PPAN: variants seen among roughly 807,000 people sequenced by gnomAD.
PPAN encodes the protein suppressor of SWI4 1 homolog.
Under a neutral mutation model 48.5 loss-of-function variants are expected in PPAN, and 39 were observed. The observed-to-expected ratio is 0.80, with a 90% CI of 0.62 to 1.05. The LOEUF (loss-of-function observed/expected upper bound fraction) is 1.05, where lower values mean the gene tolerates loss of function less well. Among genes scored for constraint, PPAN ranks in the 50% least tolerant of loss-of-function variants. The pLI is 0.00. For synonymous variants in PPAN, 315 were observed against 268.6 expected (o/e 1.17, Z -1.69); for missense variants, 736 against 661.7 (o/e 1.11, Z -1.23).
Position 10,106,387 on chromosome 19 carries a change from A to C in PPAN, c.-8A>C, listed in dbSNP as rs1465576033. 1.9e-6 allele frequency: 3 copies of C among 1,549,676 alleles called. No homozygotes were observed. The highest frequency in any genetic ancestry group is 2.4e-5 in the East Asian group (1 of 40,844). On this transcript the variant is annotated 5_prime_UTR_variant, in exon 1 of 12. Coordinates refer to ENST00000253107, the MANE Select transcript of PPAN (RefSeq NM_020230.7). ...GGACGCAGGAGGCCTCGTGGAGGAC[A>C]CAGCAGCATGGGACAGTCAGGGAGG... is the stretch of plus-strand genomic sequence containing the variant.
chr19:10,109,733 CGAG>C lies in PPAN; in HGVS notation c.590+28_590+30del, dbSNP rs746286345. 1.2e-5 allele frequency: 20 copies of C among 1,609,266 alleles called. No individual in the cohort carries two copies. The South Asian group carries it at 1.3e-4, about 11-fold the overall frequency. ...GTGAGTGTCCCAGCAGGATGGGAGA[CGAG>C]GGGGTGCCGGGTGGGGGCCTCCACA... On this transcript the variant is annotated intron_variant, in intron 6 of 11. Coordinates refer to ENST00000253107, the MANE Select transcript of PPAN (RefSeq NM_020230.7).
intron 5 of PPAN, among the ~76,000 whole-genome samples, chr19:10,108,355 G>A (rs950869189): frequency 5.9e-5 from 9 of 152,168 alleles, no homozygotes; most frequent in African/African-American, 2.2e-4. Flanking sequence ...ACCTTTTCCA[G>A]CCGGTGGAAA....
chr19:10,111,116 A>T lies in PPAN; in HGVS notation c.1373A>T (p.Asp458Val). 1 of 1,611,022 alleles carries T rather than the reference A, an allele frequency of 6.2e-7. No individual in the cohort carries two copies. The highest frequency in any genetic ancestry group is 2.2e-5 in the East Asian group (1 of 44,780). Reference sequence around the variant, plus strand: ...CGGGGGCCCAGAGGGGCTTCCCGGGATGGTGGGCGAGGCCGGGGCCGGGGC... The same window carrying T: ...CGGGGGCCCAGAGGGGCTTCCCGGGTTGGTGGGCGAGGCCGGGGCCGGGGC... ...ARRGPRGASR[D>V]GGRGRGRGRP... Residue 458 changes from aspartate (D) to valine (V), a missense_variant, in exon 12 of 12, where the codon GAT becomes GTT. Asp to Val is a radical substitution (Grantham distance 152, BLOSUM62 -3). Coordinates refer to ENST00000253107, the MANE Select transcript of PPAN (RefSeq NM_020230.7).
chr19:10,109,720 G>C lies in PPAN; in HGVS notation c.590+13G>C, dbSNP rs2088975706. ...ACTTCCGCCACTAGTGAGTGTCCCAGCAGGATGGGAGACGAGGGGGTGCCG... is the reference window on the plus strand; with the variant it reads ...ACTTCCGCCACTAGTGAGTGTCCCACCAGGATGGGAGACGAGGGGGTGCCG... On this transcript the variant is annotated intron_variant, in intron 6 of 11. Coordinates refer to ENST00000253107, the MANE Select transcript of PPAN (RefSeq NM_020230.7). The C allele has an allele frequency of 6.2e-7, 1 of 1,612,486 alleles. No individual in the cohort carries two copies. The highest frequency in any genetic ancestry group is 1.7e-5 in the Admixed American group (1 of 59,778).
Position 10,108,154 on chromosome 19 carries a change from G to T in PPAN, c.513+20G>T. 1 of 1,597,464 alleles carries T rather than the reference G, an allele frequency of 6.3e-7. No homozygotes were observed. Among genetic ancestry groups the T allele is most frequent in the Non-Finnish European group, 8.5e-7 (1 of 1,171,200 alleles). On this transcript the variant is annotated intron_variant, in intron 5 of 11. Transcript: ENST00000253107. ...CACAAGGTGGGTCTGGCCTGGCGAG[G>T]TGGCAGGTATGGGGGGGTGCAGCGG...
rs965660128 is a variant in PPAN, at chr19:10,110,581, T to C, written c.998T>C (p.Val333Ala). ...AGGCAGGCCCAGCAGGCCCAGAATGTGCAGCGCAAGCAGGAGCAGCGGGAG... is the reference window on the plus strand; with the variant it reads ...AGGCAGGCCCAGCAGGCCCAGAATGCGCAGCGCAAGCAGGAGCAGCGGGAG... ...AQRQAQQAQN[V>A]QRKQEQREAH... is the part of the protein sequence containing the mutation. The change falls in exon 10 of 12, where the codon GTG (valine) becomes GCG (alanine). Residue 333 changes from valine (V) to alanine (A), a missense_variant. By Grantham distance (64) the Val-to-Ala change is moderately conservative (BLOSUM62 0). Transcript: ENST00000253107. The surrounding 1 kb of genome is among the most constrained non-coding windows in gnomAD (Gnocchi z 5.9). The C allele has an allele frequency of 2.5e-6, 4 of 1,603,542 alleles. No homozygotes were observed. Among genetic ancestry groups the C allele is most frequent in the Non-Finnish European group, 3.4e-6 (4 of 1,175,996 alleles).
intron 5 of PPAN, among the ~76,000 whole-genome samples, chr19:10,109,102 C>T (rs995920016): frequency 2.0e-5 from 3 of 151,908 alleles, no homozygotes; most frequent in African/African-American, 7.3e-5. Flanking sequence ...GCTGGGACTA[C>T]AGGTGCCCGC....
chr19:10,107,242 C>T (rs1006348870), intron 2 of PPAN, among the ~76,000 whole-genome samples: 3 of 152,142 alleles, frequency 2.0e-5, no homozygotes, highest in African/African-American at 7.2e-5. Context: ...CTGACTTCTC[C>T]CCAGTATCTG....
upstream of PPAN, chr19:10,106,307 C>A: frequency 6.5e-7 from 1 of 1,540,662 alleles, no homozygotes; most frequent in African/African-American, 1.4e-5. Flanking sequence ...GATGTCGTCC[C>A]ACGCCGTGCC....
intron 5 of PPAN, among the ~76,000 whole-genome samples, chr19:10,109,085 C>G (rs2088947855): frequency 1.3e-5 from 2 of 151,830 alleles, no homozygotes; most frequent in Admixed American, 1.3e-4. Flanking sequence ...CCTCAGCCTC[C>G]CGAGTAGCTG....
upstream of PPAN, chr19:10,106,234 G>A: frequency 7.6e-7 from 1 of 1,316,584 alleles, no homozygotes; most frequent in Non-Finnish European, 1.0e-6. Flanking sequence ...TGTCTCCATA[G>A]CAACCGCTCC....
chr19:10,106,723 T>C (rs1158401259), intron 2 of PPAN, 52 bp downstream of exon 2: 2 of 1,486,344 alleles, frequency 1.3e-6, no homozygotes, highest in South Asian at 2.6e-5. Flanking sequence ...CTAGTCTTCG[T>C]AGCTGCAGTA....
Position 10,111,893 on chromosome 19 carries a change from C to T in PPAN, c.*728C>T, listed in dbSNP as rs371898048. ...TTGGGAGGTCGAGGGGGGTGGAACA[C>T]GAGGTCAGGGGTTCGAGACCACCCT... is the stretch of plus-strand genomic sequence containing the variant. On this transcript the variant is annotated 3_prime_UTR_variant, in exon 12 of 12. Transcript: ENST00000253107. Among the ~76,000 whole-genome samples the T allele has an allele frequency of 5.1e-4, 77 of 152,058 alleles. 1 individual carries two copies. In the East Asian group the frequency reaches 0.011, roughly 23 times the overall value.
In PPAN at chr19:10,107,811, T is replaced by TG. The variant is rs1165395435; in HGVS notation, c.300dup (p.Arg101AlafsTer20). On this transcript the variant is annotated frameshift_variant, in exon 4 of 12. Transcript: ENST00000253107. LOFTEE classifies it high-confidence loss of function. ...TCTTTTCTTCTCCTGCAGAAGCTGATGCGCCTCCCAGGAGGCCCCACCTTG... is the reference window on the plus strand; with the variant it reads ...TCTTTTCTTCTCCTGCAGAAGCTGATGGCGCCTCCCAGGAGGCCCCACCTTG... 6.2e-7 allele frequency: 1 copy of TG among 1,613,782 alleles called. No homozygotes were observed. The highest frequency in any genetic ancestry group is 2.2e-5 in the East Asian group (1 of 44,862).
chr19:10,110,493 A>AGCTCCT lies in PPAN; in HGVS notation c.910_911insGCTCCT (p.Thr304delinsSerSerSer), dbSNP rs1186899878. Reference sequence around the variant, plus strand: ...CGCGTCTCTTGGCTCAGTGAGCAAGACGGAGGAGGAGCTGCAGGCCATCCT... The same window carrying AGCTCCT: ...CGCGTCTCTTGGCTCAGTGAGCAAGAGCTCCTCGGAGGAGGAGCTGCAGGCCATCCT... On this transcript the variant is annotated protein_altering_variant, in exon 10 of 12. Coordinates refer to ENST00000253107, the MANE Select transcript of PPAN (RefSeq NM_020230.7). The surrounding 1 kb of genome is among the most constrained non-coding windows in gnomAD (Gnocchi z 5.9). 2.5e-6 allele frequency: 4 copies of AGCTCCT among 1,612,428 alleles called. No homozygotes were observed.
At position 10,111,080 on chromosome 19, in the gene PPAN, C is replaced by G; in HGVS notation, c.1337C>G (p.Ala446Gly). The stretch of plus-strand genomic sequence containing the variant: ...AAGACCAAGGACAAGTCCCAGGGAG[C>G]CCAGGCCAGGCGGGGGCCCAGAGGG... ...FPKTKDKSQG[A>G]QARRGPRGAS... The change falls in exon 12 of 12, where the codon GCC (alanine) becomes GGC (glycine). Residue 446 changes from alanine to glycine, a missense_variant. Transcript: ENST00000253107. The G allele has an allele frequency of 6.2e-7, 1 of 1,613,278 alleles. No homozygotes were observed. Among genetic ancestry groups the G allele is most frequent in the Non-Finnish European group, 8.5e-7 (1 of 1,179,896 alleles).
In PPAN at chr19:10,109,621, C is replaced by T. The variant is rs759710281; in HGVS notation, c.514-10C>T. ...GTCTACTGGACTATGCTCTCTTCCTCCCCTTCCAGGTGAACCTGAACACCA... is the reference window on the plus strand; with the variant it reads ...GTCTACTGGACTATGCTCTCTTCCTTCCCTTCCAGGTGAACCTGAACACCA... On this transcript the variant is annotated splice_polypyrimidine_tract_variant and intron_variant, in intron 5 of 11. Transcript: ENST00000253107. The T allele has an allele frequency of 3.1e-6, 5 of 1,611,508 alleles. No homozygotes were observed. Among genetic ancestry groups the T allele is most frequent in the Non-Finnish European group, 1.7e-6 (2 of 1,178,700 alleles).
chr19:10,107,570 T>C lies in PPAN; in HGVS notation c.255T>C (p.Phe85=), dbSNP rs747605108. Residue 85 remains phenylalanine (F), a synonymous_variant, in exon 3 of 12, where the codon TTT becomes TTC. Transcript: ENST00000253107. The part of the protein sequence containing the change: ...AVAGPLGVTH[F]LILSKTETNV... The stretch of plus-strand genomic sequence containing the variant: ...CTGGGCCCCTCGGGGTCACACACTT[T>C]CTGATCCTGAGCAAAACAGAGACCA... 10 of 1,614,086 alleles carry C rather than the reference T, an allele frequency of 6.2e-6. No homozygotes were observed. The highest frequency in any genetic ancestry group is 8.5e-6 in the Non-Finnish European group (10 of 1,180,042).
intron 5 of PPAN, among the ~76,000 whole-genome samples, chr19:10,109,257 C>T (rs931599763): frequency 3.9e-5 from 6 of 152,046 alleles, no homozygotes; most frequent in African/African-American, 1.4e-4. Flanking sequence ...CCGTGCCCGG[C>T]CTTCTTTACT....
Sources: gnomAD v4.1 joint callset for allele counts (sites outside exome capture counted in the v4.1 genomes callset) on GRCh38, gnomAD v4.1.1 for gene constraint, Gnocchi (gnomAD v3.1) non-coding constraint, MANE v1.5 for transcripts, NCBI Gene and HGNC (gene_info 2026-07-23, HGNC 2026-07-21) for gene names.